Variants in GALNT7 observed in about 807,000 individuals in gnomAD.
GALNT7 encodes polypeptide N-acetylgalactosaminyltransferase 7, also known as N-acetylgalactosaminyltransferase 7.
A neutral mutation model predicts 82.1 loss-of-function variants in GALNT7; 60 were observed. The observed-to-expected ratio is 0.73, with a 90% CI of 0.59 to 0.91. The LOEUF is 0.91. Ranked by LOEUF, GALNT7 falls within the 40% of genes least tolerant of loss-of-function variation. GALNT7 has a pLI of 0.00. For synonymous variants in GALNT7, 243 were observed against 275.1 expected (o/e 0.88, Z 1.15); for missense variants, 660 against 804.2 (o/e 0.82, Z 2.17).
intron 8 of GALNT7, among the ~76,000 whole-genome samples, chr4:173,309,221 A>C (rs964303472): frequency 1.3e-5 from 2 of 152,242 alleles, no homozygotes; most frequent in Non-Finnish European, 2.9e-5. Flanking sequence ...TCACACGTTT[A>C]TTAGGAAATA....
At chr4:173,303,579 G>A (rs987737711) in intron 7 of GALNT7, among the ~76,000 whole-genome samples, 8 of 152,204 alleles carry the variant, frequency 5.3e-5, no homozygotes, top group African/African-American at 1.9e-4. Flanking sequence ...ATAATCTCTT[G>A]CTATAAATAA....
At chr4:173,296,118 T>G (rs1389802084) in intron 5 of GALNT7, among the ~76,000 whole-genome samples, 2 of 152,190 alleles carry the variant, frequency 1.3e-5, no homozygotes, top group Non-Finnish European at 2.9e-5. Context: ...CCAGGCACTT[T>G]CTCTAAGAGT....
intron 8 of GALNT7, among the ~76,000 whole-genome samples, chr4:173,309,016 A>G (rs914754232): frequency 6.6e-6 from 1 of 152,264 alleles, no homozygotes; most frequent in Admixed American, 6.5e-5. Flanking sequence ...CTCATCTCCT[A>G]TGCCATAAAT....
intron 8 of GALNT7, among the ~76,000 whole-genome samples, chr4:173,308,004 G>A (rs957372221): frequency 2.0e-5 from 3 of 152,222 alleles, no homozygotes; most frequent in African/African-American, 7.2e-5. Context: ...AACTATGGTA[G>A]TTCCTGCTGC....
intron 8 of GALNT7, among the ~76,000 whole-genome samples, chr4:173,308,986 T>A (rs976938651): frequency 6.6e-6 from 1 of 152,252 alleles, no homozygotes; most frequent in Non-Finnish European, 1.5e-5. Context: ...AATATTTTGC[T>A]GTGATTATTT....
chr4:173,181,771 T>G (rs1247286492), intron 1 of GALNT7, among the ~76,000 whole-genome samples: 1 of 152,224 alleles, frequency 6.6e-6, no homozygotes, highest in Non-Finnish European at 1.5e-5. Context: ...ATCCAAGTAT[T>G]GGTCAAAATA....
chr4:173,225,811 A>G (rs950371855), intron 1 of GALNT7, among the ~76,000 whole-genome samples: 1 of 152,174 alleles, frequency 6.6e-6, no homozygotes, highest in African/African-American at 2.4e-5. Context: ...AACAGAATTG[A>G]TCTCTGGGGA....
rs1733373533 is a variant in GALNT7 at position 173,214,300 on chromosome 4, A to C, written c.127-33680A>C. Among the ~76,000 whole-genome samples, 3 of 152,050 alleles carry C rather than the reference A, an allele frequency of 2.0e-5. No individual in the cohort carries two copies. The South Asian group carries it at 6.2e-4, about 32-fold the overall frequency. On this transcript the variant is annotated intron_variant, in intron 1 of 11. Transcript: ENST00000265000. ...ATACAAAGCTCTTTAAAAAAAAAAA[A>C]AACCCTTAAGAGACCACATTGTGGT...
intron 1 of GALNT7, among the ~76,000 whole-genome samples, chr4:173,202,929 CATTTT>C (rs1732984776): frequency 6.6e-6 from 1 of 151,980 alleles, no homozygotes; most frequent in Non-Finnish European, 1.5e-5. Context: ...TTCTTTATCT[CATTTT>C]ACAGTACTTA....
Position 173,276,851 on chromosome 4 carries a change from T to C in GALNT7, c.588-15257T>C, listed in dbSNP as rs1242045610. Reference sequence around the variant, plus strand: ...CTCATTTCAAACAGTATTTTATGTATCAGCTTCTTGTTTGGTGAGCATGTG... The same window carrying C: ...CTCATTTCAAACAGTATTTTATGTACCAGCTTCTTGTTTGGTGAGCATGTG... On this transcript the variant is annotated intron_variant, in intron 2 of 11. Coordinates refer to ENST00000265000, the MANE Select transcript of GALNT7 (RefSeq NM_017423.3). 3.9e-5 allele frequency among the ~76,000 whole-genome samples: 6 copies of C among 152,180 alleles called. 1 individual carries two copies. The Middle Eastern group carries it at 9.5e-3, about 241-fold the overall frequency.
intron 1 of GALNT7, among the ~76,000 whole-genome samples, chr4:173,237,620 G>GTTT (rs1734278302): frequency 6.6e-6 from 1 of 152,180 alleles, no homozygotes; most frequent in South Asian, 2.1e-4. Context: ...TCATTATATG[G>GTTT]TTTCACTGGG....
chr4:173,297,867 G>C (rs1259419992), intron 5 of GALNT7: 2 of 1,505,298 alleles, frequency 1.3e-6, no homozygotes, highest in Non-Finnish European at 1.8e-6. Flanking sequence ...AGCAAGGTGG[G>C]GATGAAGATG....
chr4:173,295,026 C>G (rs759712185), intron 3 of GALNT7, among the ~76,000 whole-genome samples: 13 of 152,150 alleles, frequency 8.5e-5, no homozygotes, highest in Non-Finnish European at 1.8e-4. Flanking sequence ...AGTGCATCTT[C>G]AGAAACCCTA....
At chr4:173,235,775 C>T (rs1033520884) in intron 1 of GALNT7, among the ~76,000 whole-genome samples, 1 of 151,586 alleles carries the variant, frequency 6.6e-6, no homozygotes, top group African/African-American at 2.4e-5. Context: ...AGGATGGTGT[C>T]GATCTCCTGA....
chr4:173,303,194 CAAA>C lies in GALNT7; in HGVS notation c.1267-791_1267-789del, dbSNP rs567660945. ...TGGGGGACAGAGCGAGACTCCGTCT[CAAA>C]AAAAAAAAAAGAAAGAGCGAGCGTT... On this transcript the variant is annotated intron_variant, in intron 7 of 11. Coordinates refer to ENST00000265000, the MANE Select transcript of GALNT7 (RefSeq NM_017423.3). Among the ~76,000 whole-genome samples the C allele has an allele frequency of 9.4e-5, 12 of 128,340 alleles. No individual in the cohort carries two copies. In the East Asian group the frequency reaches 1.1e-3, roughly 12 times the overall value. The allele number at this position is 128,340 out of a possible 152,430, so 84.2% of individuals were successfully genotyped here. A position where few individuals can be genotyped will look rare whatever the true frequency, so the allele number is the denominator to read the frequency against.
chr4:173,269,826 C>T (rs1190704116), intron 2 of GALNT7, among the ~76,000 whole-genome samples: 20 of 152,188 alleles, frequency 1.3e-4, no homozygotes, highest in Admixed American at 1.2e-3. Flanking sequence ...ATACAACAAA[C>T]TCCGATAGAC....
chr4:173,259,419 C>T (rs1735172219), intron 2 of GALNT7, among the ~76,000 whole-genome samples: 2 of 151,118 alleles, frequency 1.3e-5, no homozygotes, highest in African/African-American at 4.9e-5. Flanking sequence ...TCTCTTCTCC[C>T]TCCTCCCGCT....
intron 1 of GALNT7, among the ~76,000 whole-genome samples, chr4:173,230,264 G>A (rs1160423624): frequency 6.7e-6 from 1 of 149,076 alleles, no homozygotes; most frequent in Admixed American, 6.8e-5. Flanking sequence ...TGGTTGGAAT[G>A]TGTCAGACCA....
At chr4:173,232,610 A>T (rs571148852) in intron 1 of GALNT7, among the ~76,000 whole-genome samples, 126 of 151,960 alleles carry the variant, frequency 8.3e-4, no homozygotes, top group African/African-American at 2.9e-3. Context: ...TTTAAAAAAA[A>T]TTTTTGTAAA....
Sources: allele counts gnomAD v4.1 joint callset (sites outside exome capture counted in the v4.1 genomes callset), GRCh38; gene constraint gnomAD v4.1.1; transcripts MANE v1.5; gene names NCBI Gene and HGNC (gene_info 2026-07-23, HGNC 2026-07-21).